Variants in FOXP1 observed in about 807,000 individuals in gnomAD.
FOXP1 encodes forkhead box P1, also known as forkhead box protein P1.
Under a neutral mutation model 98.2 loss-of-function variants are expected in FOXP1, and 15 were observed. The ratio of observed to expected loss-of-function variants is 0.15; its 90% CI spans 0.10 to 0.24. The LOEUF (loss-of-function observed/expected upper bound fraction) is 0.24, where lower values mean the gene tolerates loss of function less well. FOXP1 is among the 10% of genes least tolerant of loss of function. The pLI is 1.00. For synonymous variants in FOXP1, 371 were observed against 314.5 expected (o/e 1.18, Z -1.90); for missense variants, 633 against 848.5 (o/e 0.75, Z 3.15).
chr3:70,989,269 G>A (rs565918056), intron 13 of FOXP1, among the ~76,000 whole-genome samples: 67 of 152,150 alleles, frequency 4.4e-4, no homozygotes, highest in African/African-American at 1.5e-3. Flanking sequence ...TATCCCTACT[G>A]GATGACTCAG....
At chr3:71,150,154 T>C (rs977954870) in intron 6 of FOXP1, among the ~76,000 whole-genome samples, 2 of 152,322 alleles carry the variant, frequency 1.3e-5, no homozygotes, top group East Asian at 3.9e-4. Context: ...CCCCACCCAA[T>C]TTCCAAAGGA....
In FOXP1 at chr3:70,958,880, G is replaced by A. The variant is rs947429983; in HGVS notation, c.*367C>T. ...GCAGCTTAGGTGCACAAGCTCTGTC[G>A]GGCGTCCTCAGTGTCCAACGTTGGC... On this transcript the variant is annotated 3_prime_UTR_variant, in exon 21 of 21. Transcript: ENST00000649528. The A allele has an allele frequency of 4.9e-6, 2 of 406,140 alleles. No individual in the cohort carries two copies. Among genetic ancestry groups the A allele is most frequent in the African/African-American group, 2.0e-5 (1 of 49,950 alleles). 25.2% of individuals were successfully genotyped at this position (406,140 alleles called of 1,614,324 possible).
chr3:71,229,614 G>T (rs995651069), intron 5 of FOXP1, among the ~76,000 whole-genome samples: 1 of 152,016 alleles, frequency 6.6e-6, no homozygotes, highest in African/African-American at 2.4e-5. Context: ...CAAAATCCAC[G>T]TATTTATTCA....
intron 2 of FOXP1, among the ~76,000 whole-genome samples, chr3:71,515,196 G>A (rs745854635): frequency 2.6e-5 from 4 of 151,912 alleles, no homozygotes; most frequent in East Asian, 1.9e-4. Flanking sequence ...ATATAACCAT[G>A]GCTATAGTAT....
chr3:71,134,010 T>TTTA, intron 6 of FOXP1, among the ~76,000 whole-genome samples: 1 of 152,342 alleles, frequency 6.6e-6, no homozygotes, highest in East Asian at 1.9e-4. Context: ...TGTCTCCTTG[T>TTTA]TTATTCCTTT....
intron 7 of FOXP1, among the ~76,000 whole-genome samples, chr3:71,060,251 A>G (rs2051289825): frequency 6.6e-6 from 1 of 152,172 alleles, no homozygotes; most frequent in Non-Finnish European, 1.5e-5. Context: ...CTCTTTAGAA[A>G]GAATTACAAC....
chr3:71,116,472 A>C (rs184950809), intron 6 of FOXP1, among the ~76,000 whole-genome samples: 1 of 152,368 alleles, frequency 6.6e-6, no homozygotes, highest in African/African-American at 2.4e-5. Flanking sequence ...GAATAAACAC[A>C]GGTAAAATAA....
At position 71,001,136 on chromosome 3, in the gene FOXP1, C is replaced by T. The variant is rs2042073196; in HGVS notation, c.975-77G>A. 9 of 1,157,676 alleles carry T rather than the reference C, an allele frequency of 7.8e-6. No homozygotes were observed. In the South Asian group the frequency reaches 1.1e-4, roughly 14 times the overall value. The allele number at this position is 1,157,676 out of a possible 1,614,324, so 71.7% of individuals were successfully genotyped here. A position where few individuals can be genotyped will look rare whatever the true frequency, so the allele number is the denominator to read the frequency against. Reference sequence around the variant, plus strand: ...AATATAAGTTACCAGGATGTTTAAGCATAAACTAGGCAGCGGGTCTAGCTC... The same window carrying T: ...AATATAAGTTACCAGGATGTTTAAGTATAAACTAGGCAGCGGGTCTAGCTC... On this transcript the variant is annotated intron_variant, in intron 12 of 20. Coordinates refer to ENST00000649528, the MANE Select transcript of FOXP1 (RefSeq NM_001349338.3).
At chr3:71,468,777 C>T (rs2089036305) in intron 3 of FOXP1, among the ~76,000 whole-genome samples, 1 of 152,166 alleles carries the variant, frequency 6.6e-6, no homozygotes. Flanking sequence ...CATCCTGAAT[C>T]ATGTGAGGCT....
intron 1 of FOXP1, chr3:71,582,279 C>G: frequency 1.0e-6 from 1 of 981,912 alleles, no homozygotes; most frequent in Middle Eastern, 5.2e-4. Flanking sequence ...GCGACGTTGT[C>G]TGAAAAGGAG....
At chr3:71,502,165 G>C (rs574290901) in intron 2 of FOXP1, among the ~76,000 whole-genome samples, 1 of 152,284 alleles carries the variant, frequency 6.6e-6, no homozygotes, top group East Asian at 1.9e-4. Flanking sequence ...CAATTAAATG[G>C]CAGAAAACAC....
chr3:71,266,572 A>G (rs1233121310), intron 5 of FOXP1, among the ~76,000 whole-genome samples: 2 of 151,898 alleles, frequency 1.3e-5, no homozygotes, highest in Non-Finnish European at 2.9e-5. Context: ...GCTTATTTTT[A>G]TTTTTATATT....
chr3:71,448,954 T>C (rs995224222), intron 3 of FOXP1, among the ~76,000 whole-genome samples: 1 of 152,218 alleles, frequency 6.6e-6, no homozygotes. Flanking sequence ...TATTAGCTAA[T>C]GTCAAACCCT....
chr3:71,249,283 T>A (rs2068002929), intron 5 of FOXP1, among the ~76,000 whole-genome samples: 1 of 152,220 alleles, frequency 6.6e-6, no homozygotes, highest in Non-Finnish European at 1.5e-5. Context: ...TCTTCCTGGG[T>A]GGGAATGAAC....
chr3:71,167,051 C>T (rs2061429106), intron 6 of FOXP1, among the ~76,000 whole-genome samples: 1 of 152,022 alleles, frequency 6.6e-6, no homozygotes, highest in Non-Finnish European at 1.5e-5. Context: ...ATTCCAGGCA[C>T]ATCTCCGCAC....
chr3:71,027,708 C>G (rs1198640515), intron 11 of FOXP1, among the ~76,000 whole-genome samples: 1 of 152,128 alleles, frequency 6.6e-6, no homozygotes, highest in Non-Finnish European at 1.5e-5. Flanking sequence ...TTTCTGTATA[C>G]ACATATTAAT....
chr3:71,313,062 T>A (rs1356205201), intron 4 of FOXP1, among the ~76,000 whole-genome samples: 1 of 147,266 alleles, frequency 6.8e-6, no homozygotes, highest in Non-Finnish European at 1.5e-5. Flanking sequence ...TAATTCTTTT[T>A]TTTTTTTTTT....
intron 7 of FOXP1, among the ~76,000 whole-genome samples, chr3:71,067,989 T>TTAAA (rs1553721699): frequency 1.1e-3 from 154 of 134,740 alleles, no homozygotes; most frequent in Non-Finnish European, 1.8e-3. Flanking sequence ...TGGATAATTA[T>TTAAA]AAAAAAAAAA....
intron 12 of FOXP1, among the ~76,000 whole-genome samples, chr3:71,004,759 T>C (rs1030211228): frequency 6.6e-6 from 1 of 152,136 alleles, no homozygotes; most frequent in African/African-American, 2.4e-5. Context: ...ATGAATGCAA[T>C]GGATTTCAAA....
Sources: gnomAD v4.1 joint callset for allele counts (sites outside exome capture counted in the v4.1 genomes callset) on GRCh38, gnomAD v4.1.1 for gene constraint, MANE v1.5 for transcripts, NCBI Gene and HGNC (gene_info 2026-07-23, HGNC 2026-07-21) for gene names.